MRPS31: variants seen among roughly 807,000 people sequenced by gnomAD.
MRPS31 encodes mitochondrial ribosomal protein S31, also known as small ribosomal subunit protein mS31.
Under a neutral mutation model 43.1 loss-of-function variants are expected in MRPS31, and 32 were observed. That is an observed-to-expected ratio of 0.74 (90% CI 0.56 to 1.00). MRPS31 has a LOEUF of 1.00. Among genes scored for constraint, MRPS31 ranks in the 50% least tolerant of loss-of-function variants. The pLI, the probability that MRPS31 is intolerant of heterozygous loss-of-function variation, is 0.00. For missense variants in MRPS31, 437 were observed against 466.7 expected (o/e 0.94, Z 0.59); for synonymous variants, 165 against 161.6 (o/e 1.02, Z -0.16).
At chr13:40,749,403 T>C (rs1358523357) in intron 5 of MRPS31, 122 bp from the exon 6 acceptor site, 1 of 662,566 alleles carries the variant, frequency 1.5e-6, no homozygotes, top group African/African-American at 1.9e-5. Flanking sequence ...TTAAATAGTA[T>C]ATAATAAAAA....
chr13:40,739,818 C>T (rs868682073), intron 6 of MRPS31, among the ~76,000 whole-genome samples: 3,503 of 151,826 alleles, frequency 0.023, 88 homozygotes, highest in African/African-American at 0.068. Flanking sequence ...AAACGTTAGA[C>T]CTAAAACCAT....
intron 1 of MRPS31, among the ~76,000 whole-genome samples, chr13:40,769,838 T>C (rs1248179868): frequency 6.6e-6 from 1 of 152,068 alleles, no homozygotes; most frequent in Non-Finnish European, 1.5e-5. Flanking sequence ...TCCCTAGCAC[T>C]AAAAATAATA....
In MRPS31 at chr13:40,749,254, T is replaced by C. The variant is rs1443967053; in HGVS notation, c.842A>G (p.Glu281Gly). ...TACTGTGGCTAACTGCTTAGCAAATTCCACATCCCAAAGTGAAGGTGATGT... is the reference window on the plus strand; with the variant it reads ...TACTGTGGCTAACTGCTTAGCAAATCCCACATCCCAAAGTGAAGGTGATGT... ...TDTSPSLWDV[E>G]FAKQLATVNE... The change falls in exon 6 of 7, where the codon GAA (glutamate) becomes GGA (glycine). Residue 281 changes from glutamate (E) to glycine (G), a missense_variant. By Grantham distance (98) the Glu-to-Gly change is moderately conservative. Coordinates refer to ENST00000323563, the MANE Select transcript of MRPS31 (RefSeq NM_005830.4). The C allele has an allele frequency of 6.3e-7, 1 of 1,593,156 alleles. No homozygotes were observed.
intron 6 of MRPS31, among the ~76,000 whole-genome samples, chr13:40,741,928 C>G (rs1481578518): frequency 2.3e-5 from 3 of 132,684 alleles, no homozygotes; most frequent in Admixed American, 7.9e-5. Flanking sequence ...CACACACACA[C>G]ACACACTGCA....
At chr13:40,733,102 C>T (rs1341860965) in intron 6 of MRPS31, among the ~76,000 whole-genome samples, 2 of 140,118 alleles carry the variant, frequency 1.4e-5, no homozygotes, top group Non-Finnish European at 3.0e-5. Context: ...CTCCTGGGTT[C>T]GAGCAATTCT....
intron 6 of MRPS31, among the ~76,000 whole-genome samples, chr13:40,744,038 T>C (rs1880173633): frequency 6.6e-6 from 1 of 152,206 alleles, no homozygotes; most frequent in African/African-American, 2.4e-5. Context: ...CATGAGGTCA[T>C]GGCCTTTGCT....
intron 2 of MRPS31, among the ~76,000 whole-genome samples, chr13:40,761,008 C>T (rs1880680953): frequency 6.6e-6 from 1 of 151,834 alleles, no homozygotes; most frequent in South Asian, 2.1e-4. Context: ...GGCACGGTGG[C>T]TCATTCCTGT....
chr13:40,758,583 C>G (rs1220616275), intron 3 of MRPS31, among the ~76,000 whole-genome samples: 2 of 152,106 alleles, frequency 1.3e-5, no homozygotes, highest in Non-Finnish European at 1.5e-5. Flanking sequence ...GGCAACAGAC[C>G]TGAAGATTAT....
intron 1 of MRPS31, among the ~76,000 whole-genome samples, chr13:40,768,195 G>A (rs1403429414): frequency 1.3e-5 from 2 of 152,194 alleles, no homozygotes; most frequent in African/African-American, 4.8e-5. Context: ...GTTTCAGTAA[G>A]AGGGTATATT....
At chr13:40,767,666 G>A (rs1453284997) in intron 1 of MRPS31, among the ~76,000 whole-genome samples, 8 of 152,134 alleles carry the variant, frequency 5.3e-5, no homozygotes, top group Admixed American at 5.2e-4. Flanking sequence ...TGGGGGTGCT[G>A]GTGCTCCCAA....
chr13:40,742,166 T>G (rs1259966927), intron 6 of MRPS31, among the ~76,000 whole-genome samples: 1 of 152,122 alleles, frequency 6.6e-6, no homozygotes, highest in African/African-American at 2.4e-5. Flanking sequence ...ATATTTTTAA[T>G]AAACCAAAGA....
intron 2 of MRPS31, among the ~76,000 whole-genome samples, chr13:40,766,438 C>T (rs1880848731): frequency 6.6e-6 from 1 of 152,080 alleles, no homozygotes; most frequent in Non-Finnish European, 1.5e-5. Context: ...GGATTACAAG[C>T]ACGCACCACC....
At chr13:40,751,209 A>C (rs1231502308) in intron 5 of MRPS31, among the ~76,000 whole-genome samples, 3 of 152,312 alleles carry the variant, frequency 2.0e-5, no homozygotes, top group Admixed American at 2.0e-4. Flanking sequence ...GAGCAATCAC[A>C]TCAAAAATAA....
In MRPS31 at chr13:40,729,566, T is replaced by C. The variant is rs368447180; in HGVS notation, c.994A>G (p.Ile332Val). The C allele has an allele frequency of 8.0e-5, 129 of 1,613,742 alleles. No homozygotes were observed. Among genetic ancestry groups the C allele is most frequent in the Non-Finnish European group, 1.0e-4 (119 of 1,179,858 alleles). ...CTCTCCAGGTGTTTCTCCAGAAATA[T>C]ATGTTCATGAAATTCTGAACCATCA... ...DDDGSEFHEH[I>V]FLEKHLESFP... is the part of the protein sequence containing the mutation. Residue 332 changes from isoleucine to valine, a missense_variant, in exon 7 of 7, where the codon ATA (isoleucine) becomes GTA (valine). Transcript: ENST00000323563.
At chr13:40,730,616 AATGGTGC>A (rs1879657856) in intron 6 of MRPS31, among the ~76,000 whole-genome samples, 2 of 152,100 alleles carry the variant, frequency 1.3e-5, no homozygotes, top group Admixed American at 1.3e-4. Context: ...GCTGGAGTGC[AATGGTGC>A]AATCTCGGCT....
chr13:40,753,629 C>G lies in MRPS31; in HGVS notation c.814+390G>C, dbSNP rs548742819. 3.9e-5 allele frequency among the ~76,000 whole-genome samples: 6 copies of G among 152,290 alleles called. 1 individual carries two copies. In the East Asian group the frequency reaches 1.2e-3, roughly 29 times the overall value. The stretch of plus-strand genomic sequence containing the variant: ...CAGGTGTCCCTGAGAACCCAAACAT[C>G]CCAGGGCATACCTGGGAACATATCA... On this transcript the variant is annotated intron_variant, in intron 5 of 6. Transcript: ENST00000323563.
intron 2 of MRPS31, among the ~76,000 whole-genome samples, chr13:40,761,207 C>T (rs1396459510): frequency 1.3e-5 from 2 of 149,932 alleles, no homozygotes; most frequent in Non-Finnish European, 3.0e-5. Context: ...GTAGAGGCTG[C>T]AGTGAGCCAT....
At chr13:40,738,172 A>G (rs1340129883) in intron 6 of MRPS31, among the ~76,000 whole-genome samples, 2 of 151,890 alleles carry the variant, frequency 1.3e-5, no homozygotes, top group Non-Finnish European at 3.0e-5. Context: ...CTACGCAAAT[A>G]AACTAGAAAA....
chr13:40,756,937 T>G lies in MRPS31; in HGVS notation c.676A>C (p.Ile226Leu), dbSNP rs1243190809. Reference protein sequence around the residue: ...ARVRSRPELRIQFDEGYDNYP... With the variant: ...ARVRSRPELRLQFDEGYDNYP... ...TTGTCATAGCCTTCATCAAACTGAA[T>G]CCGAAGCTCTGGTCTTGAACGAACT... Residue 226 changes from isoleucine to leucine, a missense_variant, in exon 4 of 7, where the codon ATT becomes CTT. Coordinates refer to ENST00000323563, the MANE Select transcript of MRPS31 (RefSeq NM_005830.4). 1.9e-6 allele frequency: 3 copies of G among 1,613,852 alleles called. No individual in the cohort carries two copies. The African/African-American group carries it at 4.0e-5, about 22-fold the overall frequency.
Sources: gnomAD v4.1 joint callset for allele counts (sites outside exome capture counted in the v4.1 genomes callset) on GRCh38, gnomAD v4.1.1 for gene constraint, MANE v1.5 for transcripts, NCBI Gene and HGNC (gene_info 2026-07-23, HGNC 2026-07-21) for gene names.